Variants in SLCO3A1 observed in about 807,000 individuals in gnomAD.
SLCO3A1 encodes solute carrier organic anion transporter family member 3A1, also known as PGE1 transporter.
A neutral mutation model predicts 63.1 loss-of-function variants in SLCO3A1; 27 were observed. The observed-to-expected ratio is 0.43, with a 90% CI of 0.32 to 0.59. The LOEUF is 0.59. Among genes scored for constraint, SLCO3A1 ranks in the 20% least tolerant of loss-of-function variants. The pLI is 0.09. For missense variants in SLCO3A1, 773 were observed against 945.8 expected (o/e 0.82, Z 2.40); for synonymous variants, 473 against 409.9 (o/e 1.15, Z -1.86).
chr15:92,160,035 G>A (rs906456687), intron 9 of SLCO3A1, among the ~76,000 whole-genome samples: 1 of 152,110 alleles, frequency 6.6e-6, no homozygotes, highest in African/African-American at 2.4e-5. Context: ...CCTTCCAGCA[G>A]CAAAGCATTT....
intron 4 of SLCO3A1, among the ~76,000 whole-genome samples, chr15:92,112,263 T>C (rs1269830765): frequency 1.3e-5 from 2 of 152,214 alleles, no homozygotes; most frequent in African/African-American, 4.8e-5. Context: ...GAAAAGGTCA[T>C]GCTGGAAGGC....
chr15:91,955,175 T>C (rs1401190545), intron 2 of SLCO3A1, among the ~76,000 whole-genome samples: 2 of 152,076 alleles, frequency 1.3e-5, no homozygotes, highest in African/African-American at 4.8e-5. Flanking sequence ...TGTTCTCAGC[T>C]TCCACGTGAA....
chr15:91,878,821 A>G (rs1351408513), intron 1 of SLCO3A1, among the ~76,000 whole-genome samples: 1 of 152,236 alleles, frequency 6.6e-6, no homozygotes, highest in Admixed American at 6.5e-5. Flanking sequence ...TTATGCTTAA[A>G]GAGAGAAATG....
intron 2 of SLCO3A1, among the ~76,000 whole-genome samples, chr15:91,939,525 TG>T (rs1899542213): frequency 6.6e-6 from 1 of 152,176 alleles, no homozygotes; most frequent in Non-Finnish European, 1.5e-5. Flanking sequence ...GTTCGCTGGC[TG>T]CAGCCAGGCC....
chr15:91,862,367 G>T lies in SLCO3A1; in HGVS notation c.180+8279G>T, dbSNP rs980106400. ...GACGGGGTTTCACCATGTTGGCCAG[G>T]GTGGTCTCGAACTCCTGACCTCAAG... is the stretch of plus-strand genomic sequence containing the variant. On this transcript the variant is annotated intron_variant, in intron 1 of 9. Transcript: ENST00000318445. The surrounding 1 kb of genome is among the most constrained non-coding windows in gnomAD (Gnocchi z 4.0). Among the ~76,000 whole-genome samples, 1 of 151,962 alleles carries T rather than the reference G, an allele frequency of 6.6e-6. No individual in the cohort carries two copies. Among genetic ancestry groups the T allele is most frequent in the African/African-American group, 2.4e-5 (1 of 41,362 alleles).
intron 2 of SLCO3A1, among the ~76,000 whole-genome samples, chr15:92,027,152 C>CTGGGAG (rs1199722177): frequency 6.6e-6 from 1 of 151,590 alleles, no homozygotes; most frequent in Non-Finnish European, 1.5e-5. Context: ...TAGAAGATCT[C>CTGGGAG]TGGGAGTTGT....
intron 4 of SLCO3A1, among the ~76,000 whole-genome samples, chr15:92,106,131 A>T (rs2047664685): frequency 6.6e-6 from 1 of 152,256 alleles, no homozygotes; most frequent in South Asian, 2.1e-4. Flanking sequence ...CTGTTAGTCC[A>T]TGAGAAATCT....
At position 91,860,204 on chromosome 15, in the gene SLCO3A1, G is replaced by A. The variant is rs374541724; in HGVS notation, c.180+6116G>A. 1.3e-4 allele frequency among the ~76,000 whole-genome samples: 20 copies of A among 152,298 alleles called. No homozygotes were observed. The East Asian group carries it at 3.3e-3, about 25-fold the overall frequency. Reference sequence around the variant, plus strand: ...GATGCTTCACTTTGGGAGGTCCTCAGTATCTCTTGCTGTGGTCTGTGGCCA... The same window carrying A: ...GATGCTTCACTTTGGGAGGTCCTCAATATCTCTTGCTGTGGTCTGTGGCCA... On this transcript the variant is annotated intron_variant, in intron 1 of 9. Transcript: ENST00000318445. This position sits in a 1 kb window ranked among gnomAD's most constrained non-coding sequence, Gnocchi z 5.5.
At chr15:91,868,864 A>G (rs1349423367) in intron 1 of SLCO3A1, among the ~76,000 whole-genome samples, 1 of 152,204 alleles carries the variant, frequency 6.6e-6, no homozygotes, top group Non-Finnish European at 1.5e-5. Context: ...TTTCCTCTAA[A>G]TCATTCTCAT....
In SLCO3A1 at chr15:92,080,938, C is replaced by CTGTGTGTATGTGTGTG. The variant is rs779165504; in HGVS notation, c.647-13936_647-13935insATGTGTGTGTGTGTGT. 1.4e-3 allele frequency among the ~76,000 whole-genome samples: 186 copies of CTGTGTGTATGTGTGTG among 128,978 alleles called. 1 individual carries two copies. Among genetic ancestry groups the CTGTGTGTATGTGTGTG allele is most frequent in the African/African-American group, 5.5e-3 (178 of 32,300 alleles). The allele number at this position is 128,978 out of a possible 152,430, so 84.6% of individuals were successfully genotyped here. On this transcript the variant is annotated intron_variant, in intron 2 of 9. Coordinates refer to ENST00000318445, the MANE Select transcript of SLCO3A1 (RefSeq NM_013272.4). ...TTTCATTTTTATGGATACATAGTAG[C>CTGTGTGTATGTGTGTG]TGTGTGTGTGTGTGTGTGTGTGTGT...
At chr15:91,881,232 A>G (rs989552518) in intron 1 of SLCO3A1, among the ~76,000 whole-genome samples, 4 of 152,104 alleles carry the variant, frequency 2.6e-5, no homozygotes, top group Non-Finnish European at 5.9e-5. Context: ...CAGGAAGCAG[A>G]GGGAATTTTT....
At chr15:92,040,328 C>G (rs112526896) in intron 2 of SLCO3A1, among the ~76,000 whole-genome samples, 1,749 of 152,298 alleles carry the variant, frequency 0.011, 28 homozygotes, top group African/African-American at 0.04. Context: ...TTTGGAATGT[C>G]TATTCAAAGG....
chr15:92,062,929 C>T (rs1057417429), intron 2 of SLCO3A1, among the ~76,000 whole-genome samples: 2 of 152,218 alleles, frequency 1.3e-5, no homozygotes. Flanking sequence ...GAAGGTACAG[C>T]TCTGTGGACC....
At chr15:92,120,674 C>G in intron 5 of SLCO3A1, 45 bp downstream of exon 5, 1 of 1,581,282 alleles carries the variant, frequency 6.3e-7, no homozygotes, top group Non-Finnish European at 8.7e-7. Context: ...GGGAGGGTGT[C>G]CTGTGTGTAA....
In SLCO3A1 at chr15:91,929,938, A is replaced by G. The variant is rs371162794; in HGVS notation, c.646+13480A>G. Among the ~76,000 whole-genome samples, 5 of 152,140 alleles carry G rather than the reference A, an allele frequency of 3.3e-5. No homozygotes were observed. In the South Asian group the frequency reaches 6.2e-4, roughly 19 times the overall value. ...TAAAACATATTTTGTTTGTCCATTC[A>G]TCTATGAATGGACATTTGGGTTGTT... is the stretch of plus-strand genomic sequence containing the variant. On this transcript the variant is annotated intron_variant, in intron 2 of 9. Transcript: ENST00000318445.
intron 1 of SLCO3A1, among the ~76,000 whole-genome samples, chr15:91,871,914 G>A (rs1217203065): frequency 1.3e-5 from 2 of 151,896 alleles, no homozygotes; most frequent in Admixed American, 6.6e-5. Context: ...AAAAGATTGT[G>A]TAATATTCCA....
intron 7 of SLCO3A1, among the ~76,000 whole-genome samples, chr15:92,141,769 A>T (rs1368907584): frequency 6.6e-6 from 1 of 152,142 alleles, no homozygotes; most frequent in Non-Finnish European, 1.5e-5. Flanking sequence ...ATCCCTCCTT[A>T]ACAGCCTCAC....
chr15:92,062,782 T>C (rs952079700), intron 2 of SLCO3A1, among the ~76,000 whole-genome samples: 3 of 152,144 alleles, frequency 2.0e-5, no homozygotes, highest in Admixed American at 2.0e-4. Context: ...GTGTTATCAT[T>C]GTGGTCCCTC....
At chr15:92,089,142 C>T (rs2047441471) in intron 2 of SLCO3A1, among the ~76,000 whole-genome samples, 1 of 152,058 alleles carries the variant, frequency 6.6e-6, no homozygotes, top group African/African-American at 2.4e-5. Flanking sequence ...TCTCCTGCCT[C>T]AGCCTCCTGA....
Sources: allele counts gnomAD v4.1 joint callset (sites outside exome capture counted in the v4.1 genomes callset), GRCh38; gene constraint gnomAD v4.1.1; non-coding constraint Gnocchi (gnomAD v3.1); transcripts MANE v1.5; gene names NCBI Gene and HGNC (gene_info 2026-07-23, HGNC 2026-07-21).